Variants in BNIP2 observed in about 807,000 individuals in gnomAD.
BNIP2 encodes the protein BCL2/adenovirus E1B 19 kDa protein-interacting protein 2.
Under a neutral mutation model 43.4 loss-of-function variants are expected in BNIP2, and 36 were observed. The ratio of observed to expected loss-of-function variants is 0.83; its 90% CI spans 0.64 to 1.10. The LOEUF (loss-of-function observed/expected upper bound fraction) is 1.10. Among genes scored for constraint, BNIP2 ranks in the 50% least tolerant of loss-of-function variants. The pLI is 0.00. For synonymous variants in BNIP2, 146 were observed against 121.0 expected (o/e 1.21, Z -1.35); for missense variants, 417 against 374.1 (o/e 1.11, Z -0.95).
chr15:59,667,956 G>C (rs6151570), intron 9 of BNIP2: 218,191 of 388,072 alleles, frequency 0.56, 63,592 homozygotes, highest in Non-Finnish European at 0.61. Context: ...AGGAACTCTG[G>C]GTTCACCCTG....
At chr15:59,676,933 C>A (rs527781950) in intron 5 of BNIP2, 4 of 1,610,158 alleles carry the variant, frequency 2.5e-6, no homozygotes, top group Non-Finnish European at 2.5e-6. Context: ...TCACCCTCTG[C>A]GAGAACAGCA....
rs1893006960 is a variant in BNIP2 at position 59,672,656 on chromosome 15, G to A, written c.556C>T (p.Leu186=). ...PESSQPNYRY[L]MDNLFKYVIG... Reference sequence around the variant, plus strand: ...ACTTACTTAAAAAGATTGTCCATCAGGTATCTATAGTTAGGCTGACTACTT... The same window carrying A: ...ACTTACTTAAAAAGATTGTCCATCAAGTATCTATAGTTAGGCTGACTACTT... The change falls in exon 6 of 10, where the codon CTG becomes TTG. Residue 186 remains leucine (L), a synonymous_variant. Coordinates refer to ENST00000607373, the MANE Select transcript of BNIP2 (RefSeq NM_004330.4). 1 of 1,612,720 alleles carries A rather than the reference G, an allele frequency of 6.2e-7. No homozygotes were observed.
At position 59,676,572 on chromosome 15, in the gene BNIP2, T is replaced by C. The variant is rs1315043315; in HGVS notation, c.472+1339A>G. Among the ~76,000 whole-genome samples the C allele has an allele frequency of 2.0e-5, 3 of 152,340 alleles. No homozygotes were observed. In the East Asian group the frequency reaches 5.8e-4, roughly 29 times the overall value. On this transcript the variant is annotated intron_variant, in intron 5 of 9. Coordinates refer to ENST00000607373, the MANE Select transcript of BNIP2 (RefSeq NM_004330.4). ...ATTTTTAAATGGTACTTTTATTCTT[T>C]TACTTTAAACCTGTCATGTTTCTAA...
At chr15:59,677,018 G>C (rs1489299815) in intron 5 of BNIP2, 1 of 1,612,558 alleles carries the variant, frequency 6.2e-7, no homozygotes, top group Non-Finnish European at 8.5e-7. Context: ...GATTGATCAG[G>C]AGACTGTTAA....
chr15:59,672,586 T>G, intron 6 of BNIP2, 51 bp downstream of exon 6: 1 of 1,361,688 alleles, frequency 7.3e-7, no homozygotes, highest in Non-Finnish European at 1.0e-6. Flanking sequence ...AAGGTGTAGA[T>G]CTAATTAGCT....
chr15:59,670,936 G>A (rs1403921473), intron 7 of BNIP2, among the ~76,000 whole-genome samples: 1 of 152,106 alleles, frequency 6.6e-6, no homozygotes, highest in Non-Finnish European at 1.5e-5. Flanking sequence ...AGCTGGGCGT[G>A]GTGGCGCATG....
intron 1 of BNIP2, chr15:59,688,414 C>A (rs754448434): frequency 8.3e-6 from 2 of 240,974 alleles, no homozygotes; most frequent in Non-Finnish European, 1.7e-5. Flanking sequence ...AAAAGCAACA[C>A]TAAAATGCAA....
At chr15:59,667,104 C>T (rs566288434) in intron 9 of BNIP2, among the ~76,000 whole-genome samples, 39 of 152,326 alleles carry the variant, frequency 2.6e-4, no homozygotes, top group African/African-American at 7.2e-4. Context: ...AATGTGAAAT[C>T]AGCATGATCT....
At chr15:59,682,325 TCA>T in intron 2 of BNIP2, 81 bp downstream of exon 2, 1 of 1,279,544 alleles carries the variant, frequency 7.8e-7, no homozygotes, top group South Asian at 1.4e-5. Context: ...AGACTCCGTC[TCA>T]AAAAAAAAAA....
chr15:59,682,622 T>C (rs990361660), intron 1 of BNIP2, 108 bp from the exon 2 acceptor site: 6 of 823,268 alleles, frequency 7.3e-6, no homozygotes, highest in Non-Finnish European at 1.1e-5. Flanking sequence ...AGTACAATGG[T>C]CTGGTCATGA....
In BNIP2 at chr15:59,689,220, C is replaced by G; in HGVS notation, c.-143G>C. 1 of 1,540,918 alleles carries G rather than the reference C, an allele frequency of 6.5e-7. No homozygotes were observed. The highest frequency in any genetic ancestry group is 8.7e-7 in the Non-Finnish European group (1 of 1,146,352). On this transcript the variant is annotated 5_prime_UTR_variant, in exon 1 of 10. Coordinates refer to ENST00000607373, the MANE Select transcript of BNIP2 (RefSeq NM_004330.4). ...GACGGCCAGGTCGCAAAAAGCAGGG[C>G]CGAGCGGAGCCCGCTCCCCTCGGTC...
chr15:59,673,482 G>A (rs1157879687), intron 5 of BNIP2, among the ~76,000 whole-genome samples: 1 of 152,168 alleles, frequency 6.6e-6, no homozygotes, highest in East Asian at 1.9e-4. Context: ...ATGGAGTGCA[G>A]TGGCGCAATC....
intron 5 of BNIP2, among the ~76,000 whole-genome samples, chr15:59,673,430 A>G (rs1315226769): frequency 6.6e-6 from 1 of 151,670 alleles, no homozygotes; most frequent in African/African-American, 2.4e-5. Context: ...GTGCTTTTTT[A>G]AATTTTTTTT....
chr15:59,679,614 A>G lies in BNIP2; in HGVS notation c.273T>C (p.Asn91=), dbSNP rs771156625. 3 of 1,612,958 alleles carry G rather than the reference A, an allele frequency of 1.9e-6. No homozygotes were observed. Among genetic ancestry groups the G allele is most frequent in the Non-Finnish European group, 2.5e-6 (3 of 1,179,474 alleles). The part of the protein sequence containing the change: ...DLDGLDTPSE[N]SNEFEWEDDL... ...TACCTTCCCACTCAAACTCATTACT[A>G]TTCTCTGACGGTGTGTCTAAGCCAT... is the stretch of plus-strand genomic sequence containing the variant. The change falls in exon 4 of 10, where the codon AAT becomes AAC. Residue 91 remains asparagine, a synonymous_variant. Coordinates refer to ENST00000607373, the MANE Select transcript of BNIP2 (RefSeq NM_004330.4).
Position 59,661,011 on chromosome 15 carries a change from C to T in BNIP2, c.*3058G>A, listed in dbSNP as rs768267653. 1 of 152,112 alleles carries T rather than the reference C, an allele frequency of 6.6e-6. No individual in the cohort carries two copies. The highest frequency in any genetic ancestry group is 6.6e-5 in the Admixed American group (1 of 15,264). The allele number at this position is 152,112 out of a possible 1,614,324, so 9.4% of individuals were successfully genotyped here. A position where few individuals can be genotyped will look rare whatever the true frequency, so the allele number is the denominator to read the frequency against. ...TTCCTGCTGCATACAAGAAATGTTACCATCAGCAGTCACATATGGTACTTC... is the reference window on the plus strand; with the variant it reads ...TTCCTGCTGCATACAAGAAATGTTATCATCAGCAGTCACATATGGTACTTC... On this transcript the variant is annotated 3_prime_UTR_variant, in exon 10 of 10. Coordinates refer to ENST00000607373, the MANE Select transcript of BNIP2 (RefSeq NM_004330.4).
At chr15:59,669,452 GA>G (rs1892769646) in intron 7 of BNIP2, 90 bp from the exon 8 acceptor site, 2 of 902,524 alleles carry the variant, frequency 2.2e-6, no homozygotes, top group Non-Finnish European at 3.2e-6. Context: ...AATAATAGTT[GA>G]AAAATCTCAC....
intron 5 of BNIP2, among the ~76,000 whole-genome samples, chr15:59,673,357 G>A (rs1386577003): frequency 4.6e-5 from 7 of 151,558 alleles, no homozygotes; most frequent in African/African-American, 1.7e-4. Flanking sequence ...CTCGTGATCT[G>A]CCTGCCTCAG....
At chr15:59,688,908 A>C in intron 1 of BNIP2, 1 of 1,468,280 alleles carries the variant, frequency 6.8e-7, no homozygotes, top group South Asian at 1.4e-5. Context: ...TGGGGGGCCA[A>C]ACTGCCAAAT....
At chr15:59,667,280 T>C (rs138089154) in intron 9 of BNIP2, among the ~76,000 whole-genome samples, 256 of 152,346 alleles carry the variant, frequency 1.7e-3, no homozygotes, top group African/African-American at 6.0e-3. Flanking sequence ...GTTGGCTCCT[T>C]AGAATGGTCA....
Sources: allele counts gnomAD v4.1 joint callset (sites outside exome capture counted in the v4.1 genomes callset), GRCh38; gene constraint gnomAD v4.1.1; transcripts MANE v1.5; gene names NCBI Gene and HGNC (gene_info 2026-07-23, HGNC 2026-07-21).